Variants in MORN1 observed in about 807,000 individuals in gnomAD.
MORN1 encodes MORN repeat containing 1.
A neutral mutation model predicts 61.9 loss-of-function variants in MORN1; 67 were observed. That is an observed-to-expected ratio of 1.08 (90% CI 0.89 to 1.33). The LOEUF (loss-of-function observed/expected upper bound fraction) is 1.33. Ranked by LOEUF, MORN1 falls within the 40% of genes most tolerant of loss-of-function variation. The pLI, the probability that MORN1 is intolerant of heterozygous loss-of-function variation, is 0.00. For synonymous variants in MORN1, 301 were observed against 292.0 expected (o/e 1.03, Z -0.31); for missense variants, 752 against 691.2 (o/e 1.09, Z -0.99).
At position 2,372,235 on chromosome 1, in the gene MORN1, G is replaced by A. The variant is rs1642138718; in HGVS notation, c.745+246C>T. The A allele has an allele frequency of 6.4e-6, 3 of 471,946 alleles. No homozygotes were observed. The highest frequency in any genetic ancestry group is 7.8e-6 in the Non-Finnish European group (2 of 255,476). The allele number at this position is 471,946 out of a possible 1,614,324, so 29.2% of individuals were successfully genotyped here. A position where few individuals can be genotyped will look rare whatever the true frequency, so the allele number is the denominator to read the frequency against. ...ACCTGTGCAAGGCATACACACATAT[G>A]CACACACATACAGGAGCACGCACAT... On this transcript the variant is annotated intron_variant, in intron 8 of 13. Transcript: ENST00000378531. The surrounding 1 kb of genome is among the most constrained non-coding windows in gnomAD (Gnocchi z 5.4).
rs561459290 is a variant in MORN1, at chr1:2,331,708, C to T, written c.1250+4761G>A. Among the ~76,000 whole-genome samples, 5 of 152,286 alleles carry T rather than the reference C, an allele frequency of 3.3e-5. No individual in the cohort carries two copies. The East Asian group carries it at 5.8e-4, about 18-fold the overall frequency. On this transcript the variant is annotated intron_variant, in intron 12 of 13. Coordinates refer to ENST00000378531, the MANE Select transcript of MORN1 (RefSeq NM_024848.3). Reference sequence around the variant, plus strand: ...GCCTATTTTAGGGAACAGTCAAAGACGACTTTGCAGGATCCTGCCTGAGAG... The same window carrying T: ...GCCTATTTTAGGGAACAGTCAAAGATGACTTTGCAGGATCCTGCCTGAGAG...
intron 10 of MORN1, chr1:2,355,319 G>A (rs1641738940): frequency 4.1e-6 from 6 of 1,480,400 alleles, no homozygotes; most frequent in Middle Eastern, 2.2e-4. Context: ...GGCCGCCTTG[G>A]CCTCCCGTGG....
At chr1:2,358,464 C>A (rs906359773) in intron 9 of MORN1, 128 bp downstream of exon 9, 2 of 1,248,646 alleles carry the variant, frequency 1.6e-6, no homozygotes, top group East Asian at 2.4e-5. Context: ...GAACAGACAT[C>A]GAATATTTCA....
At chr1:2,345,845 A>G (rs1220956696) in intron 10 of MORN1, among the ~76,000 whole-genome samples, 1 of 144,034 alleles carries the variant, frequency 6.9e-6, no homozygotes, top group East Asian at 2.0e-4. Context: ...ACACACACAC[A>G]CACACACACA....
intron 10 of MORN1, chr1:2,352,244 T>C (rs1641666398): frequency 5.0e-6 from 1 of 200,148 alleles, no homozygotes; most frequent in Non-Finnish European, 9.9e-6. Flanking sequence ...CTTCCCCCTT[T>C]CTCCTAGCTG....
At chr1:2,382,673 G>A (rs987449765) in intron 6 of MORN1, among the ~76,000 whole-genome samples, 1 of 152,212 alleles carries the variant, frequency 6.6e-6, no homozygotes, top group African/African-American at 2.4e-5. Flanking sequence ...GCCCCAGCAC[G>A]TGGTGAAGTC....
At chr1:2,351,583 G>C (rs372802824) in intron 10 of MORN1, 2 of 244,280 alleles carry the variant, frequency 8.2e-6, no homozygotes, top group African/African-American at 4.7e-5. Context: ...TGGTGTGGCC[G>C]GGCCGTGTAA....
At chr1:2,327,724 G>A (rs1294997343) in intron 12 of MORN1, among the ~76,000 whole-genome samples, 4 of 152,220 alleles carry the variant, frequency 2.6e-5, no homozygotes, top group South Asian at 4.1e-4. Context: ...CAGGCGCGGC[G>A]GGCAGGCGGC....
At chr1:2,358,443 C>CTGTT in intron 9 of MORN1, 149 bp downstream of exon 9, 1 of 1,056,248 alleles carries the variant, frequency 9.5e-7, no homozygotes, top group Admixed American at 2.3e-5. Context: ...TTCAAGGGAG[C>CTGTT]TGTTTCCTTA....
chr1:2,373,828 G>A (rs1172518202), intron 7 of MORN1, among the ~76,000 whole-genome samples: 2 of 152,218 alleles, frequency 1.3e-5, no homozygotes, highest in African/African-American at 4.8e-5. Flanking sequence ...ACCTCTCCCA[G>A]CTAACAGGTC....
In MORN1 at chr1:2,336,798, G is replaced by A; in HGVS notation, c.1089C>T (p.Gly363=). Residue 363 remains glycine, a synonymous_variant, in exon 11 of 14, where the codon GGC becomes GGT. Transcript: ENST00000378531. Reference sequence around the variant, plus strand: ...GGAGGACATCTGTGAACTCGGCACAGCCCTGCTCCACTCGCTGACAGGCCC... The same window carrying A: ...GGAGGACATCTGTGAACTCGGCACAACCCTGCTCCACTCGCTGACAGGCCC... ...CPGACQRVEQ[G]CAEFTDVLLG... The A allele has an allele frequency of 6.2e-7, 1 of 1,603,142 alleles. No homozygotes were observed. Among genetic ancestry groups the A allele is most frequent in the South Asian group, 1.1e-5 (1 of 89,738 alleles).
At chr1:2,330,494 T>TGG (rs1237346684) in intron 12 of MORN1, among the ~76,000 whole-genome samples, 1 of 151,974 alleles carries the variant, frequency 6.6e-6, no homozygotes, top group Non-Finnish European at 1.5e-5. Context: ...AAGGCCTGTG[T>TGG]GGGACACTCT....
intron 6 of MORN1, chr1:2,376,364 C>G (rs1276725901): frequency 6.6e-6 from 1 of 152,350 alleles, no homozygotes; most frequent in African/African-American, 2.4e-5. Flanking sequence ...GTCCGGGGCC[C>G]CCGTCACCGT....
In MORN1 at chr1:2,388,431, G is replaced by T. The variant is rs1642557496; in HGVS notation, c.149-94C>A. On this transcript the variant is annotated intron_variant, in intron 2 of 13. Transcript: ENST00000378531. The stretch of plus-strand genomic sequence containing the variant: ...TTGGGCCTGTTTCTCAGAACCAAGA[G>T]CTTGGCTTCAAAACTTGTGTTTGGC... 5.2e-6 allele frequency: 5 copies of T among 966,074 alleles called. No individual in the cohort carries two copies. In the South Asian group the frequency reaches 5.5e-5, roughly 11 times the overall value. 59.8% of individuals were successfully genotyped at this position (966,074 alleles called of 1,614,324 possible).
chr1:2,334,202 C>T lies in MORN1; in HGVS notation c.1250+2267G>A, dbSNP rs1641217489. On this transcript the variant is annotated intron_variant, in intron 12 of 13. Coordinates refer to ENST00000378531, the MANE Select transcript of MORN1 (RefSeq NM_024848.3). This position sits in a 1 kb window ranked among gnomAD's most constrained non-coding sequence, Gnocchi z 5.4. ...CTGGAAGAGGTCGTGAGGTCGACGC[C>T]CCGGTCAGCCACAGTTGAGGGCCTC... Among the ~76,000 whole-genome samples, 2 of 151,820 alleles carry T rather than the reference C, an allele frequency of 1.3e-5. No homozygotes were observed. The highest frequency in any genetic ancestry group is 1.3e-4 in the Admixed American group (2 of 15,254).
intron 12 of MORN1, among the ~76,000 whole-genome samples, chr1:2,333,441 C>G (rs1380520869): frequency 6.6e-6 from 1 of 152,212 alleles, no homozygotes; most frequent in African/African-American, 2.4e-5. Flanking sequence ...TGGCCTCGGG[C>G]CTGGAGACGC....
chr1:2,369,748 A>G (rs1557885656), intron 8 of MORN1, among the ~76,000 whole-genome samples: 1 of 152,166 alleles, frequency 6.6e-6, no homozygotes, highest in Non-Finnish European at 1.5e-5. Context: ...AATATCTAAT[A>G]AATAACATTA....
At chr1:2,355,775 C>G (rs2100300548) in intron 10 of MORN1, among the ~76,000 whole-genome samples, 1 of 152,328 alleles carries the variant, frequency 6.6e-6, no homozygotes, top group Admixed American at 6.5e-5. Context: ...AGCCTGCCAA[C>G]CACGCCCCTC....
rs556377085 is a variant in MORN1 at position 2,337,176 on chromosome 1, C to A, written c.1037-326G>T. Among the ~76,000 whole-genome samples the A allele has an allele frequency of 1.3e-5, 2 of 152,196 alleles. No individual in the cohort carries two copies. Among genetic ancestry groups the A allele is most frequent in the African/African-American group, 4.8e-5 (2 of 41,438 alleles). On this transcript the variant is annotated intron_variant, in intron 10 of 13. Transcript: ENST00000378531. The surrounding 1 kb of genome is among the most constrained non-coding windows in gnomAD (Gnocchi z 5.7). ...AGCAGCCCCCGTCAGCCGAGGCACT[C>A]GCTTCCAGGGTAGGGCCGGGACCGG...
Sources: gnomAD v4.1 joint callset for allele counts (sites outside exome capture counted in the v4.1 genomes callset) on GRCh38, gnomAD v4.1.1 for gene constraint, Gnocchi (gnomAD v3.1) non-coding constraint, MANE v1.5 for transcripts, NCBI Gene and HGNC (gene_info 2026-07-23, HGNC 2026-07-21) for gene names.